The following MOSMO variants were observed in gnomAD, a reference collection of about 807,000 sequenced individuals.
MOSMO encodes modulator of smoothened.
In MOSMO, 5 loss-of-function variants were observed where a neutral mutation model predicts 18.4. The observed-to-expected ratio is 0.27, with a 90% CI of 0.14 to 0.57. The LOEUF is 0.57. MOSMO is among the 20% of genes least tolerant of loss of function. The pLI is 0.92. For missense variants in MOSMO, 138 were observed against 211.8 expected, an observed-to-expected ratio of 0.65 and a Z score of 2.16; for synonymous variants, 82 against 82.3, an observed-to-expected ratio of 1.00 and a Z score of 0.02.
intron 1 of MOSMO, 26 bp downstream of exon 1, chr16:22,008,433 G>C: frequency 8.0e-7 from 1 of 1,255,020 alleles, no homozygotes; most frequent in South Asian, 1.7e-5. Context: ...GCCGGGCCGG[G>C]CGGGGGATTG....
At chr16:22,031,993 T>G (rs530274911) in intron 1 of MOSMO, among the ~76,000 whole-genome samples, 10 of 152,286 alleles carry the variant, frequency 6.6e-5, no homozygotes, top group African/African-American at 2.4e-4. Context: ...AGGGTTCCAG[T>G]TTCTCCACAT....
chr16:22,024,988 A>G (rs978749247), intron 1 of MOSMO, among the ~76,000 whole-genome samples: 1 of 151,874 alleles, frequency 6.6e-6, no homozygotes, highest in Non-Finnish European at 1.5e-5. Context: ...CATCTCTACA[A>G]ACATTTTTTT....
downstream of MOSMO, among the ~76,000 whole-genome samples, chr16:22,089,797 G>A (rs1309464941): frequency 1.3e-5 from 2 of 151,958 alleles, no homozygotes; most frequent in Non-Finnish European, 2.9e-5. Flanking sequence ...ATGCACCAAG[G>A]ACCCACTTTC....
chr16:22,021,514 G>T (rs947952394), intron 1 of MOSMO, among the ~76,000 whole-genome samples: 2 of 152,114 alleles, frequency 1.3e-5, no homozygotes, highest in Non-Finnish European at 2.9e-5. Context: ...AAAGTTAAAA[G>T]AGTATGGGGG....
At chr16:22,009,836 A>AAAAG (rs1899485456) in intron 1 of MOSMO, among the ~76,000 whole-genome samples, 2 of 121,234 alleles carry the variant, frequency 1.6e-5, no homozygotes, top group East Asian at 2.2e-4. Flanking sequence ...AAAAAAAAAA[A>AAAAG]AGAGAATTAG....
chr16:22,019,654 T>C (rs987177872), intron 1 of MOSMO, among the ~76,000 whole-genome samples: 2 of 152,216 alleles, frequency 1.3e-5, no homozygotes, highest in Non-Finnish European at 2.9e-5. Context: ...GGAAATGTTA[T>C]GGTTAACACT....
chr16:22,008,548 CG>C, intron 1 of MOSMO, 141 bp downstream of exon 1: 1 of 566,366 alleles, frequency 1.8e-6, no homozygotes, highest in Non-Finnish European at 3.0e-6. Flanking sequence ...AGGGGAGACC[CG>C]GGCCGCGGAG....
At chr16:22,088,582 C>G (rs1035073143), downstream of MOSMO, among the ~76,000 whole-genome samples, 5 of 152,144 alleles carry the variant, frequency 3.3e-5, no homozygotes, top group Admixed American at 6.5e-5. Context: ...TTTTCAAAAG[C>G]ACTGTGGTTA....
At chr16:22,050,802 T>C (rs924234386) in intron 1 of MOSMO, among the ~76,000 whole-genome samples, 9 of 148,596 alleles carry the variant, frequency 6.1e-5, no homozygotes, top group African/African-American at 1.7e-4. Flanking sequence ...GAGGATGAGG[T>C]AGGAGGATCA....
Position 22,010,782 on chromosome 16 carries a change from G to A in MOSMO, c.106+2375G>A, listed in dbSNP as rs143325376. On this transcript the variant is annotated intron_variant, in intron 1 of 2. Transcript: ENST00000542527. ...AAAAATACAAAGAAGTTAGCCGGGC[G>A]CGGTGGTGCATGCCTGTCATCCCAG... Among the ~76,000 whole-genome samples, 561 of 152,182 alleles carry A rather than the reference G, an allele frequency of 3.7e-3. 3 individuals are homozygous for A. The highest frequency in any genetic ancestry group is 6.8e-3 in the Middle Eastern group (2 of 294).
downstream of MOSMO, among the ~76,000 whole-genome samples, chr16:22,089,184 C>G (rs1240787883): frequency 6.6e-6 from 1 of 152,126 alleles, no homozygotes; most frequent in African/African-American, 2.4e-5. Context: ...CTTCCCACCT[C>G]AGCTTCCCAA....
chr16:22,087,882 T>A (rs182694284), downstream of MOSMO, among the ~76,000 whole-genome samples: 435 of 152,314 alleles, frequency 2.9e-3, 3 homozygotes, highest in African/African-American at 9.7e-3. Context: ...TAGATTTTTT[T>A]AAAAAACACA....
At chr16:22,070,558 A>G (rs1429176071) in intron 1 of MOSMO, among the ~76,000 whole-genome samples, 2 of 152,200 alleles carry the variant, frequency 1.3e-5, no homozygotes, top group Non-Finnish European at 2.9e-5. Flanking sequence ...AGGAAGGCAT[A>G]CTACAGTGGA....
rs1901068103 is a variant in MOSMO, at chr16:22,081,006, CTG to C, written c.*127_*128del. On this transcript the variant is annotated 3_prime_UTR_variant, in exon 3 of 3. Coordinates refer to ENST00000542527, the MANE Select transcript of MOSMO (RefSeq NM_001164579.2). Reference sequence around the variant, plus strand: ...CTCATGGGAAGATGCTCAGATGAAACTGATGCTGAGAAGGAAAAAAAAATGCT... The same window carrying C: ...CTCATGGGAAGATGCTCAGATGAAACATGCTGAGAAGGAAAAAAAAATGCT... 2.6e-6 allele frequency: 1 copy of C among 382,508 alleles called. No homozygotes were observed. The highest frequency in any genetic ancestry group is 1.1e-4 in the South Asian group (1 of 8,814). 23.7% of individuals were successfully genotyped at this position (382,508 alleles called of 1,614,324 possible).
intron 1 of MOSMO, among the ~76,000 whole-genome samples, chr16:22,046,703 G>A (rs543676597): frequency 6.6e-6 from 1 of 152,214 alleles, no homozygotes; most frequent in South Asian, 2.1e-4. Context: ...AAGACGTGGC[G>A]CTGAAGAGAC....
intron 2 of MOSMO, chr16:22,075,987 A>G (rs1217411881): frequency 9.3e-6 from 3 of 321,066 alleles, no homozygotes; most frequent in Non-Finnish European, 1.8e-5. Context: ...CAGAGTTACC[A>G]GTAGCCTGAG....
At chr16:22,079,933 A>G (rs1295754432) in intron 2 of MOSMO, among the ~76,000 whole-genome samples, 1 of 151,930 alleles carries the variant, frequency 6.6e-6, no homozygotes, top group Admixed American at 6.6e-5. Context: ...ACAGGCTTGC[A>G]CCTCTACGCC....
At chr16:22,072,671 G>GCGTAGTCGTGGGCGCCTGT (rs1734113874) in intron 1 of MOSMO, among the ~76,000 whole-genome samples, 1 of 152,092 alleles carries the variant, frequency 6.6e-6, no homozygotes, top group Non-Finnish European at 1.5e-5. Flanking sequence ...AATTAGCCGG[G>GCGTAGTCGTGGGCGCCTGT]CGTAGTCGTG....
At chr16:22,026,854 A>G (rs1899886887) in intron 1 of MOSMO, among the ~76,000 whole-genome samples, 1 of 152,206 alleles carries the variant, frequency 6.6e-6, no homozygotes, top group African/African-American at 2.4e-5. Context: ...AGTAAAAATG[A>G]TAGGAGGAGT....
Sources: gnomAD v4.1 joint callset for allele counts (sites outside exome capture counted in the v4.1 genomes callset) on GRCh38, gnomAD v4.1.1 for gene constraint, MANE v1.5 for transcripts, NCBI Gene and HGNC (gene_info 2026-07-23, HGNC 2026-07-21) for gene names.